IGF2: variants seen among roughly 807,000 people sequenced by gnomAD.
The protein encoded by IGF2 is insulin-like growth factor 2.
In IGF2, 2 loss-of-function variants were observed where a neutral mutation model predicts 12.0. The observed-to-expected ratio is 0.17, with a 90% CI of 0.07 to 0.52. The LOEUF (loss-of-function observed/expected upper bound fraction) is 0.52. Ranked by LOEUF, IGF2 falls within the 20% of genes least tolerant of loss-of-function variation. The probability of loss-of-function intolerance (pLI) is 0.95; values close to 1 mark genes in which losing one functional copy is unlikely to be tolerated. For missense variants in IGF2, 211 were observed against 268.0 expected (o/e 0.79, Z 1.48); for synonymous variants, 105 against 110.1 (o/e 0.95, Z 0.29).
intron 1 of IGF2, chr11:2,137,218 G>GGAGGAGGAGGAGGAA (rs1420869897): frequency 5.4e-6 from 5 of 921,094 alleles, no homozygotes; most frequent in African/African-American, 3.6e-5. Context: ...CGCTGGGGCA[G>GGAGGAGGAGGAGGAA]GAGGAGGAGG....
chr11:2,135,276 G>A, intron 2 of IGF2, 91 bp downstream of exon 2: 1 of 1,207,706 alleles, frequency 8.3e-7, no homozygotes. Flanking sequence ...TGCTGACCTA[G>A]GAGTGTGCTC....
At chr11:2,135,609 T>G (rs1398848271) in intron 1 of IGF2, 80 bp from the exon 2 acceptor site, 1 of 1,307,904 alleles carries the variant, frequency 7.6e-7, no homozygotes, top group Non-Finnish European at 1.1e-6. Flanking sequence ...AAACCAAATT[T>G]GCCAACCTAC....
intron 1 of IGF2, among the ~76,000 whole-genome samples, chr11:2,137,540 G>C (rs1027732725): frequency 1.4e-5 from 2 of 145,954 alleles, no homozygotes; most frequent in Non-Finnish European, 3.1e-5. Context: ...GGGGGGGGGG[G>C]TCTCCTTCCC....
In IGF2 at chr11:2,138,895, G is replaced by T; in HGVS notation, c.-673C>A. The T allele has an allele frequency of 2.0e-6, 2 of 984,792 alleles. No individual in the cohort carries two copies. The highest frequency in any genetic ancestry group is 2.4e-6 in the Non-Finnish European group (2 of 829,596). 61.0% of individuals were successfully genotyped at this position (984,792 alleles called of 1,614,324 possible). A position where few individuals can be genotyped will look rare whatever the true frequency, so the allele number is the denominator to read the frequency against. ...GGGGGGCGGAGTGGAGGCTGCACCCGGACCGCGGGCGCCCAGCTCGGTTTG... is the reference window on the plus strand; with the variant it reads ...GGGGGGCGGAGTGGAGGCTGCACCCTGACCGCGGGCGCCCAGCTCGGTTTG... On this transcript the variant is annotated 5_prime_UTR_variant, in exon 1 of 4. Coordinates refer to ENST00000416167, the MANE Select transcript of IGF2 (RefSeq NM_000612.6).
intron 2 of IGF2, among the ~76,000 whole-genome samples, chr11:2,134,647 G>A (rs892890469): frequency 1.1e-4 from 17 of 152,156 alleles, no homozygotes; most frequent in African/African-American, 3.6e-4. Context: ...AGTAAGGAGC[G>A]GCCCCTCCCC....
rs952225517 is a variant in IGF2, at chr11:2,132,082, G to A, written c.*905C>T. 3 of 215,108 alleles carry A rather than the reference G, an allele frequency of 1.4e-5. No individual in the cohort carries two copies. Among genetic ancestry groups the A allele is most frequent in the Admixed American group, 1.2e-4 (2 of 17,100 alleles). 13.3% of individuals were successfully genotyped at this position (215,108 alleles called of 1,614,324 possible). On this transcript the variant is annotated 3_prime_UTR_variant, in exon 4 of 4. Transcript: ENST00000416167. ...GCTCGTGTGTGTGCTGTGTTCATGC[G>A]TGTGCTGTGTGTTGTGTGTGTGTAG...
chr11:2,135,469 C>T lies in IGF2; in HGVS notation c.55G>A (p.Ala19Thr), dbSNP rs975030738. The T allele has an allele frequency of 2.5e-6, 4 of 1,613,784 alleles. No individual in the cohort carries two copies. Among genetic ancestry groups the T allele is most frequent in the Non-Finnish European group, 3.4e-6 (4 of 1,179,966 alleles). ...CGGTAAGCAGCAATGCAGCACGAGG[C>T]GAAGGCCAAGAAGGTGAGAAGCACC... ...MLVLLTFLAF[A>T]SCCIAAYRPS... Residue 19 changes from alanine to threonine, a missense_variant, in exon 2 of 4, where the codon GCC becomes ACC. Ala to Thr is a moderately conservative substitution (Grantham distance 58, BLOSUM62 0). Around this residue, in one of 3 missense-constraint regions of IGF2, gnomAD observed 40 missense variants for 35.7 expected, o/e 1.12. Transcript: ENST00000416167.
the IGF2 span, chr11:2,147,904 T>C: frequency 7.4e-6 from 7 of 942,122 alleles, no homozygotes; most frequent in South Asian, 1.6e-4. The surrounding 1 kb of genome is among the most constrained non-coding windows in gnomAD (Gnocchi z 7.2). Flanking sequence ...CCCATCCCCC[T>C]CCCCGGGTTC....
chr11:2,139,814 G>A (rs1358971821), upstream of IGF2, among the ~76,000 whole-genome samples: 1 of 151,876 alleles, frequency 6.6e-6, no homozygotes, highest in Non-Finnish European at 1.5e-5. Context: ...GGTGCGCCCC[G>A]TCTGAGTGCA....
upstream of IGF2, among the ~76,000 whole-genome samples, chr11:2,141,546 A>G (rs1415613726): frequency 6.6e-6 from 1 of 152,220 alleles, no homozygotes; most frequent in African/African-American, 2.4e-5. Context: ...GAAATTGGGA[A>G]TTTTGCCGTA....
At chr11:2,139,461 T>G (rs1271925984), upstream of IGF2, 1 of 143,966 alleles carries the variant, frequency 6.9e-6, no homozygotes, top group Non-Finnish European at 1.5e-5. Flanking sequence ...CGGGCCTCGC[T>G]GGCCTCGCGC....
upstream of IGF2, among the ~76,000 whole-genome samples, chr11:2,145,371 C>T (rs914822197): frequency 3.9e-5 from 6 of 152,232 alleles, no homozygotes; most frequent in East Asian, 3.9e-4. Context: ...CCGAGGCTCC[C>T]GTCATGGACA....
rs74050125 is a variant in IGF2 at position 2,132,481 on chromosome 11, G to C, written c.*506C>G. On this transcript the variant is annotated 3_prime_UTR_variant, in exon 4 of 4. Coordinates refer to ENST00000416167, the MANE Select transcript of IGF2 (RefSeq NM_000612.6). Reference sequence around the variant, plus strand: ...CAAAGTCCAAGGGAGAAGAGAAAGAGGGGGGTGGGGAGTGCCAAATTCCTT... The same window carrying C: ...CAAAGTCCAAGGGAGAAGAGAAAGACGGGGGTGGGGAGTGCCAAATTCCTT... 1,480 of 196,180 alleles carry C rather than the reference G, an allele frequency of 7.5e-3. 9 individuals carry two copies. The highest frequency in any genetic ancestry group is 0.028 in the African/African-American group (1,201 of 43,326). 12.2% of individuals were successfully genotyped at this position (196,180 alleles called of 1,614,324 possible).
the IGF2 span, chr11:2,146,389 C>A: frequency 1.9e-6 from 1 of 534,730 alleles, no homozygotes; most frequent in Non-Finnish European, 3.8e-6. Flanking sequence ...CTTGCGCTCA[C>A]TCCCCTCGCT....
upstream of IGF2, chr11:2,140,743 C>T (rs1486336686): frequency 2.8e-6 from 1 of 352,142 alleles, no homozygotes; most frequent in Non-Finnish European, 5.4e-6. Context: ...CCACGCCGGC[C>T]TCCCCGGCGG....
chr11:2,136,506 G>A (rs1045311066), intron 1 of IGF2, among the ~76,000 whole-genome samples: 4 of 152,238 alleles, frequency 2.6e-5, no homozygotes, highest in Admixed American at 1.3e-4. Context: ...TAACCCACTC[G>A]GGGGTGGGAG....
At position 2,129,237 on chromosome 11, in the gene IGF2, G is replaced by A. The variant is rs1158428714; in HGVS notation, c.*3750C>T. ...AGTTGAGTTGAGTCAAACACGGGCC[G>A]CAAGGTGGACCGAGGCGGCAGGCAC... is the stretch of plus-strand genomic sequence containing the variant. On this transcript the variant is annotated 3_prime_UTR_variant, in exon 4 of 4. Coordinates refer to ENST00000416167, the MANE Select transcript of IGF2 (RefSeq NM_000612.6). This position sits in a 1 kb window ranked among gnomAD's most constrained non-coding sequence, Gnocchi z 8.1. 1 of 203,186 alleles carries A rather than the reference G, an allele frequency of 4.9e-6. No individual in the cohort carries two copies. 12.6% of individuals were successfully genotyped at this position (203,186 alleles called of 1,614,324 possible). A position where few individuals can be genotyped will look rare whatever the true frequency, so the allele number is the denominator to read the frequency against.
At chr11:2,149,138 C>A in the IGF2 span, 1 of 1,613,336 alleles carries the variant, frequency 6.2e-7, no homozygotes, top group Non-Finnish European at 8.5e-7. Flanking sequence ...GTACTCTAGT[C>A]CCTGCGCAGT....
In IGF2 at chr11:2,131,863, G is replaced by T. The variant is rs1297070506; in HGVS notation, c.*1124C>A. 5.4e-6 allele frequency: 1 copy of T among 185,334 alleles called. No homozygotes were observed. The allele number at this position is 185,334 out of a possible 1,614,324, so 11.5% of individuals were successfully genotyped here. On this transcript the variant is annotated 3_prime_UTR_variant, in exon 4 of 4. Coordinates refer to ENST00000416167, the MANE Select transcript of IGF2 (RefSeq NM_000612.6). ...TGTGCTGTGTGCTCGTGTGTGTGCT[G>T]TGTGTGCGTGTGTGCTGTGCGTTTG... is the stretch of plus-strand genomic sequence containing the variant.
Sources: allele counts gnomAD v4.1 joint callset (sites outside exome capture counted in the v4.1 genomes callset), GRCh38; gene constraint gnomAD v4.1.1; regional missense constraint gnomAD v4.1.1; non-coding constraint Gnocchi (gnomAD v3.1); transcripts MANE v1.5; gene names NCBI Gene and HGNC (gene_info 2026-07-23, HGNC 2026-07-21).